Variants in PTH2R observed in about 807,000 individuals in gnomAD.
The protein encoded by PTH2R is PTH2 receptor.
Under a neutral mutation model 60.3 loss-of-function variants are expected in PTH2R, and 59 were observed. The observed-to-expected ratio is 0.98, with a 90% confidence interval of 0.79 to 1.22. PTH2R has a LOEUF of 1.22. Among genes scored for constraint, PTH2R ranks in the 50% most tolerant of loss-of-function variants. The pLI is 0.00. For synonymous variants in PTH2R, 256 were observed against 243.8 expected (o/e 1.05, Z -0.47); for missense variants, 749 against 682.6 (o/e 1.10, Z -1.08).
intron 1 of PTH2R, among the ~76,000 whole-genome samples, chr2:208,361,781 A>G (rs769086126): frequency 4.5e-4 from 69 of 152,002 alleles, no homozygotes; most frequent in Non-Finnish European, 8.7e-4. Context: ...TTTAAAAAAA[A>G]GGATGAAGAC....
chr2:208,430,998 T>C (rs183710410), intron 2 of PTH2R, among the ~76,000 whole-genome samples: 14 of 152,306 alleles, frequency 9.2e-5, no homozygotes, highest in Admixed American at 2.0e-4. Flanking sequence ...GTTTTAGTTA[T>C]TTTGCCTCTG....
chr2:208,411,923 C>T (rs1465672865), intron 1 of PTH2R, among the ~76,000 whole-genome samples: 1 of 152,210 alleles, frequency 6.6e-6, no homozygotes, highest in Non-Finnish European at 1.5e-5. Flanking sequence ...CAGCTCTTTC[C>T]TCTTCTTTTA....
chr2:208,472,232 C>G (rs1702898409), intron 9 of PTH2R, among the ~76,000 whole-genome samples: 1 of 152,122 alleles, frequency 6.6e-6, no homozygotes, highest in African/African-American at 2.4e-5. Context: ...GGTGTGATTG[C>G]TTTTGAAATG....
chr2:208,464,058 T>C (rs1702687463), intron 9 of PTH2R, among the ~76,000 whole-genome samples: 1 of 152,246 alleles, frequency 6.6e-6, no homozygotes, highest in Admixed American at 6.5e-5. Context: ...TTTACCCTTT[T>C]GTTAAACATT....
upstream of PTH2R, chr2:208,406,722 A>G: frequency 4.1e-6 from 1 of 241,496 alleles, no homozygotes; most frequent in East Asian, 7.5e-5. Flanking sequence ...CGCGGGGCGC[A>G]CCCGGATCCG....
chr2:208,376,264 C>T (rs1210009594), intron 1 of PTH2R, among the ~76,000 whole-genome samples: 1 of 152,044 alleles, frequency 6.6e-6, no homozygotes, highest in African/African-American at 2.4e-5. Flanking sequence ...TAAATGTAAA[C>T]TAGCACTTTA....
chr2:208,388,392 C>T (rs1388981604), intron 1 of PTH2R, among the ~76,000 whole-genome samples: 15 of 152,136 alleles, frequency 9.9e-5, no homozygotes, highest in Admixed American at 9.8e-4. Context: ...TATAATTACA[C>T]AGATACTTCC....
chr2:208,398,455 A>G lies in PTH2R; in HGVS notation c.-258-29746A>G, dbSNP rs991721164. ...AGCAGCTACTGTCAATGTTCCAATC[A>G]TTTCTGATGATCTTGGTGATTTGGT... On this transcript the variant is annotated intron_variant, in intron 1 of 12. Coordinates refer to the PTH2R transcript ENST00000617735. Among the ~76,000 whole-genome samples, 6 of 152,338 alleles carry G rather than the reference A, an allele frequency of 3.9e-5. No homozygotes were observed. The East Asian group carries it at 7.7e-4, about 20-fold the overall frequency.
intron 1 of PTH2R, among the ~76,000 whole-genome samples, chr2:208,397,908 A>C (rs1701242200): frequency 6.6e-6 from 1 of 152,212 alleles, no homozygotes; most frequent in Non-Finnish European, 1.5e-5. Flanking sequence ...CTTGCCTGCC[A>C]GGGTTTTTCT....
intron 12 of PTH2R, among the ~76,000 whole-genome samples, chr2:208,491,935 G>A (rs749784140): frequency 1.3e-5 from 2 of 152,196 alleles, no homozygotes; most frequent in Admixed American, 1.3e-4. Flanking sequence ...TGGACTTAAA[G>A]TGGTGGTGTT....
At chr2:208,405,998 T>A (rs1223114567), upstream of PTH2R, among the ~76,000 whole-genome samples, 1 of 152,174 alleles carries the variant, frequency 6.6e-6, no homozygotes, top group African/African-American at 2.4e-5. Flanking sequence ...AGCCACCCAG[T>A]TTATGGTATT....
At chr2:208,446,276 TG>T (rs1207149689) in intron 7 of PTH2R, among the ~76,000 whole-genome samples, 1 of 152,202 alleles carries the variant, frequency 6.6e-6, no homozygotes, top group Non-Finnish European at 1.5e-5. Context: ...GTTAGGAGTT[TG>T]TCCCACCGAA....
At chr2:208,468,712 A>G (rs1245028831) in intron 9 of PTH2R, among the ~76,000 whole-genome samples, 1 of 152,206 alleles carries the variant, frequency 6.6e-6, no homozygotes, top group East Asian at 1.9e-4. Flanking sequence ...TTAGATTACC[A>G]ATTGTAATCT....
chr2:208,364,196 T>G (rs1012680171), intron 1 of PTH2R, among the ~76,000 whole-genome samples: 2 of 152,242 alleles, frequency 1.3e-5, no homozygotes, highest in African/African-American at 2.4e-5. Context: ...TATTGTGTCC[T>G]TCAATGAACA....
chr2:208,464,132 C>T (rs561418635), intron 9 of PTH2R, among the ~76,000 whole-genome samples: 3 of 152,316 alleles, frequency 2.0e-5, no homozygotes, highest in Admixed American at 1.3e-4. Context: ...TCGATATTTA[C>T]ATTTTGAAAA....
intron 1 of PTH2R, among the ~76,000 whole-genome samples, chr2:208,427,638 A>G (rs904751055): frequency 6.6e-6 from 1 of 152,118 alleles, no homozygotes; most frequent in East Asian, 1.9e-4. Context: ...GCATCTCCCA[A>G]ACTGTGAAAC....
intron 1 of PTH2R, among the ~76,000 whole-genome samples, chr2:208,408,799 G>A (rs1257895701): frequency 6.7e-6 from 1 of 149,914 alleles, no homozygotes; most frequent in Non-Finnish European, 1.5e-5. Flanking sequence ...TGGGATTGTG[G>A]GCAGAATATT....
chr2:208,418,576 T>C lies in PTH2R; in HGVS notation c.76-9625T>C, dbSNP rs113468965. 8.2e-3 allele frequency among the ~76,000 whole-genome samples: 1,251 copies of C among 152,068 alleles called. 18 individuals carry two copies. The highest frequency in any genetic ancestry group is 0.028 in the African/African-American group (1,175 of 41,536). On this transcript the variant is annotated intron_variant, in intron 1 of 12. Coordinates refer to ENST00000272847, the MANE Select transcript of PTH2R (RefSeq NM_005048.4). ...AATAAAATAAGCATAAAAGGGAACA[T>C]TTACTTTGAAAAAAGGTACTTAGAA...
intron 1 of PTH2R, among the ~76,000 whole-genome samples, chr2:208,368,324 A>G (rs534219590): frequency 5.9e-5 from 9 of 152,306 alleles, no homozygotes; most frequent in Non-Finnish European, 1.2e-4. Context: ...TATGTCCCAC[A>G]GTACCTTTCT....
Sources: gnomAD v4.1 joint callset for allele counts (sites outside exome capture counted in the v4.1 genomes callset) on GRCh38, gnomAD v4.1.1 for gene constraint, MANE v1.5 for transcripts, NCBI Gene and HGNC (gene_info 2026-07-23, HGNC 2026-07-21) for gene names.